The following SRPK2 variants were observed in gnomAD, a reference collection of about 807,000 sequenced individuals.
The protein encoded by SRPK2 is SRSF protein kinase 2.
A neutral mutation model predicts 90.8 loss-of-function variants in SRPK2; 21 were observed. The ratio of observed to expected loss-of-function variants is 0.23; its 90% CI spans 0.16 to 0.33. The LOEUF (loss-of-function observed/expected upper bound fraction) is 0.33. Ranked by LOEUF, SRPK2 falls within the 10% of genes least tolerant of loss-of-function variation. SRPK2 has a pLI of 1.00. For missense variants in SRPK2, 620 were observed against 869.0 expected (o/e 0.71, Z 3.60); for synonymous variants, 288 against 311.1 (o/e 0.93, Z 0.78).
rs189555949 is a variant in SRPK2 at position 105,175,206 on chromosome 7, A to G, written c.230-5941T>C. 3.1e-3 allele frequency among the ~76,000 whole-genome samples: 471 copies of G among 152,262 alleles called. 2 individuals carry two copies. The highest frequency in any genetic ancestry group is 0.019 in the South Asian group (91 of 4,830). On this transcript the variant is annotated intron_variant, in intron 3 of 15. Transcript: ENST00000393651. ...AAAGTATGTCCTCAGACCATAACAGAATTAAATTACAAACCAAGAAGAGAA... is the reference window on the plus strand; with the variant it reads ...AAAGTATGTCCTCAGACCATAACAGGATTAAATTACAAACCAAGAAGAGAA...
intron 2 of SRPK2, among the ~76,000 whole-genome samples, chr7:105,374,216 C>T (rs565737529): frequency 5.9e-5 from 9 of 152,268 alleles, no homozygotes; most frequent in East Asian, 3.9e-4. Flanking sequence ...CATGAGCCAC[C>T]GCGCCCAGCC....
At chr7:105,143,476 G>T in intron 9 of SRPK2, 146 bp from the exon 10 acceptor site, 1 of 1,015,138 alleles carries the variant, frequency 9.9e-7, no homozygotes, top group Non-Finnish European at 1.4e-6. Flanking sequence ...GATCCACTTT[G>T]TGGTAAGGCT....
At chr7:105,366,976 C>T (rs1033269828) in intron 2 of SRPK2, among the ~76,000 whole-genome samples, 5 of 152,072 alleles carry the variant, frequency 3.3e-5, no homozygotes, top group Non-Finnish European at 7.4e-5. Flanking sequence ...AGTGTCACTC[C>T]GTGAGTCCCA....
At chr7:105,325,958 C>T (rs1813532958) in intron 2 of SRPK2, among the ~76,000 whole-genome samples, 1 of 152,232 alleles carries the variant, frequency 6.6e-6, no homozygotes, top group African/African-American at 2.4e-5. Flanking sequence ...AAAAACAAGG[C>T]AATGCTGAGG....
At chr7:105,187,127 A>G (rs1166966316) in intron 3 of SRPK2, among the ~76,000 whole-genome samples, 2 of 152,226 alleles carry the variant, frequency 1.3e-5, no homozygotes, top group East Asian at 1.9e-4. Context: ...AAGTTTGAGG[A>G]TAATTTATTA....
chr7:105,285,012 G>C (rs1301582265), intron 2 of SRPK2, among the ~76,000 whole-genome samples: 1 of 152,180 alleles, frequency 6.6e-6, no homozygotes, highest in African/African-American at 2.4e-5. Context: ...AAGTTACCCT[G>C]AGTCAATATT....
intron 1 of SRPK2, among the ~76,000 whole-genome samples, chr7:105,397,744 A>G (rs879398725): frequency 1.3e-5 from 2 of 152,022 alleles, no homozygotes; most frequent in Admixed American, 1.3e-4. Flanking sequence ...CATGGGTTCA[A>G]GAGATTCTCC....
chr7:105,278,240 C>T (rs767533164), intron 2 of SRPK2, among the ~76,000 whole-genome samples: 10 of 149,810 alleles, frequency 6.7e-5, no homozygotes, highest in Admixed American at 5.3e-4. Context: ...AGCTTGAACC[C>T]GGAGGCAGAG....
At chr7:105,336,173 G>A (rs908041728) in intron 2 of SRPK2, among the ~76,000 whole-genome samples, 9 of 151,994 alleles carry the variant, frequency 5.9e-5, no homozygotes, top group African/African-American at 2.2e-4. Flanking sequence ...ATATTTGAAT[G>A]GCATTTCACA....
At chr7:105,188,900 G>A (rs1345954942) in intron 3 of SRPK2, among the ~76,000 whole-genome samples, 1 of 152,144 alleles carries the variant, frequency 6.6e-6, no homozygotes, top group Non-Finnish European at 1.5e-5. Flanking sequence ...CTAACAAAAA[G>A]ACTTGCAAGA....
chr7:105,315,026 C>T (rs1295451111), intron 2 of SRPK2, among the ~76,000 whole-genome samples: 1 of 152,140 alleles, frequency 6.6e-6, no homozygotes, highest in Admixed American at 6.6e-5. Flanking sequence ...CCTGGAATCC[C>T]AGCACTCTGG....
At chr7:105,221,184 C>T (rs1291312157) in intron 2 of SRPK2, among the ~76,000 whole-genome samples, 1 of 152,152 alleles carries the variant, frequency 6.6e-6, no homozygotes, top group Non-Finnish European at 1.5e-5. Flanking sequence ...AATCCTAAGT[C>T]AAGTCATTAT....
At chr7:105,398,329 G>A (rs752296208) in intron 1 of SRPK2, among the ~76,000 whole-genome samples, 6 of 151,892 alleles carry the variant, frequency 4.0e-5, no homozygotes, top group African/African-American at 7.3e-5. Flanking sequence ...GGAAAAAGAC[G>A]GGAAGTCATA....
intron 2 of SRPK2, among the ~76,000 whole-genome samples, chr7:105,285,248 TG>T: frequency 6.6e-6 from 1 of 151,660 alleles, no homozygotes; most frequent in South Asian, 2.1e-4. Flanking sequence ...TAGCTGGGTG[TG>T]GTGATGCACG....
chr7:105,359,587 T>G (rs1377013605), intron 2 of SRPK2, among the ~76,000 whole-genome samples: 1 of 152,194 alleles, frequency 6.6e-6, no homozygotes, highest in Non-Finnish European at 1.5e-5. Context: ...TCAATTTGTT[T>G]TATGGCACTG....
At chr7:105,205,517 T>TCTCTCACACACACACACACACA (rs1491532268) in intron 2 of SRPK2, among the ~76,000 whole-genome samples, 1 of 95,794 alleles carries the variant, frequency 1.0e-5, no homozygotes, top group African/African-American at 3.6e-5. Flanking sequence ...TCTCTCTCTC[T>TCTCTCACACACACACACACACA]CACACACACA....
chr7:105,357,358 A>G (rs952969725), intron 2 of SRPK2, among the ~76,000 whole-genome samples: 5 of 152,154 alleles, frequency 3.3e-5, no homozygotes, highest in Non-Finnish European at 5.9e-5. Context: ...TAATTTTTTA[A>G]AAAACTGCTG....
At chr7:105,282,944 A>G (rs535892405) in intron 2 of SRPK2, among the ~76,000 whole-genome samples, 1 of 152,282 alleles carries the variant, frequency 6.6e-6, no homozygotes, top group Admixed American at 6.5e-5. Flanking sequence ...TTAACAATCA[A>G]TTTAAAAACC....
chr7:105,292,274 G>A (rs1012888710), intron 2 of SRPK2, among the ~76,000 whole-genome samples: 3 of 152,052 alleles, frequency 2.0e-5, no homozygotes, highest in South Asian at 4.1e-4. Flanking sequence ...TTGGGAGGCC[G>A]AGGCGGGCCA....
Sources: gnomAD v4.1 joint callset for allele counts (sites outside exome capture counted in the v4.1 genomes callset) on GRCh38, gnomAD v4.1.1 for gene constraint, MANE v1.5 for transcripts, NCBI Gene and HGNC (gene_info 2026-07-23, HGNC 2026-07-21) for gene names.